WNT8A: variants seen among roughly 807,000 people sequenced by gnomAD.
WNT8A encodes the protein protein Wnt-8a.
In WNT8A, 14 loss-of-function variants were observed where a neutral mutation model predicts 20.5. The ratio of observed to expected loss-of-function variants is 0.68; its 90% CI spans 0.45 to 1.07. The LOEUF (loss-of-function observed/expected upper bound fraction) is 1.07, where lower values mean the gene tolerates loss of function less well. WNT8A is among the 50% of genes least tolerant of loss of function. WNT8A has a pLI of 0.00. For synonymous variants in WNT8A, 167 were observed against 169.2 expected (o/e 0.99, Z 0.10); for missense variants, 397 against 462.9 (o/e 0.86, Z 1.31).
At chr5:138,091,597 C>A, downstream of WNT8A, 1 of 892,354 alleles carries the variant, frequency 1.1e-6, no homozygotes, top group Middle Eastern at 3.1e-4. Context: ...TTTTTTATCC[C>A]CCAAGTATGC....
chr5:138,084,202 T>C lies in WNT8A; in HGVS notation c.75T>C (p.His25=), dbSNP rs758919977. The C allele has an allele frequency of 3.7e-6, 6 of 1,614,172 alleles. No individual in the cohort carries two copies. Among genetic ancestry groups the C allele is most frequent in the East Asian group, 2.2e-5 (1 of 44,882 alleles). Residue 25 remains histidine (H), a synonymous_variant, in exon 1 of 5, where the codon CAT becomes CAC. Coordinates refer to ENST00000506684, the MANE Select transcript of WNT8A (RefSeq NM_001300939.2). The stretch of plus-strand genomic sequence containing the variant: ...TCACTCCTTGCCAAGGAGGCCCCCA[T>C]TGTCTCATCCCCATTCACCTCTGCC... ...PTLTPCQGGP[H]CLIPIHLCLT...
chr5:138,089,956 C>A (rs529753866), intron 4 of WNT8A, among the ~76,000 whole-genome samples: 10 of 152,302 alleles, frequency 6.6e-5, no homozygotes, highest in Admixed American at 5.2e-4. Flanking sequence ...GCCACCACAT[C>A]CAGCCAGGAA....
Position 138,087,892 on chromosome 5 carries a change from G to A in WNT8A, c.382G>A (p.Glu128Lys), listed in dbSNP as rs771339222. ...CAAGAACTGTAGCATGGGTGACTTCGAAAACTGTGGCTGTGATGGGTCAAA... is the reference window on the plus strand; with the variant it reads ...CAAGAACTGTAGCATGGGTGACTTCAAAAACTGTGGCTGTGATGGGTCAAA... ...ITKNCSMGDF[E>K]NCGCDGSNNG... Residue 128 changes from glutamate (E) to lysine (K), a missense_variant, in exon 3 of 5, where the codon GAA becomes AAA. Transcript: ENST00000506684. 20 of 1,613,852 alleles carry A rather than the reference G, an allele frequency of 1.2e-5. No homozygotes were observed. Among genetic ancestry groups the A allele is most frequent in the Admixed American group, 6.7e-5 (4 of 59,974 alleles).
At chr5:138,084,776 C>CT (rs1750607308) in intron 2 of WNT8A, 140 bp downstream of exon 2, 1 of 1,198,444 alleles carries the variant, frequency 8.3e-7, no homozygotes, top group African/African-American at 1.5e-5. Flanking sequence ...CATTTCCTTG[C>CT]TGTGTGGCCT....
upstream of WNT8A, among the ~76,000 whole-genome samples, chr5:138,081,565 T>C (rs577524433): frequency 6.6e-6 from 1 of 152,040 alleles, no homozygotes; most frequent in Non-Finnish European, 1.5e-5. Flanking sequence ...AGATTCTTGA[T>C]TGGGAAAAGT....
Position 138,090,871 on chromosome 5 carries a change from G to A in WNT8A, c.908G>A (p.Trp303Ter). 2 of 1,614,202 alleles carry A rather than the reference G, an allele frequency of 1.2e-6. No homozygotes were observed. The highest frequency in any genetic ancestry group is 8.5e-7 in the Non-Finnish European group (1 of 1,180,040). ...CAGAACAGCCACAACACATCCAGGT[G>A]GGAGCGACGTAGCTGTGGGCGCCTG... ...CLQNSHNTSR[W>*]ERRSCGRLCT... The change falls in exon 5 of 5, where the codon TGG (tryptophan) becomes TAG (stop). Residue 303 changes from tryptophan to a stop codon, truncating the protein, a stop_gained. Coordinates refer to ENST00000506684, the MANE Select transcript of WNT8A (RefSeq NM_001300939.2). LOFTEE classifies it low-confidence loss of function (END_TRUNC).
upstream of WNT8A, among the ~76,000 whole-genome samples, chr5:138,080,445 T>TTTTTTTTG (rs1750475572): frequency 6.2e-5 from 1 of 16,020 alleles, no homozygotes; most frequent in Non-Finnish European, 1.2e-4. Context: ...GTAAATCTTG[T>TTTTTTTTG]TTTTTTTTTT....
downstream of WNT8A, chr5:138,091,653 C>T (rs1054542579): frequency 7.6e-6 from 4 of 528,942 alleles, no homozygotes; most frequent in African/African-American, 6.0e-5. Flanking sequence ...TAGAAAGACA[C>T]CATCTCTACA....
At chr5:138,080,862 T>G (rs12188416), upstream of WNT8A, among the ~76,000 whole-genome samples, 66,512 of 151,878 alleles carry the variant, frequency 0.44, 15,168 homozygotes, top group East Asian at 0.6. Flanking sequence ...GTGGTAAATA[T>G]CTTGCCCAAG....
chr5:138,086,281 G>A (rs954973513), intron 2 of WNT8A, among the ~76,000 whole-genome samples: 1 of 151,992 alleles, frequency 6.6e-6, no homozygotes, highest in Non-Finnish European at 1.5e-5. Context: ...GCAGTGGCGC[G>A]ATCTTGGCTC....
At chr5:138,082,881 A>T (rs1226140563), upstream of WNT8A, among the ~76,000 whole-genome samples, 1 of 121,800 alleles carries the variant, frequency 8.2e-6, no homozygotes, top group African/African-American at 3.2e-5. Flanking sequence ...ATCTCAAAAT[A>T]AATAAATAAA....
chr5:138,084,547 T>C lies in WNT8A; in HGVS notation c.206T>C (p.Ile69Thr). The change falls in exon 2 of 5, where the codon ATC (isoleucine) becomes ACC (threonine). Residue 69 changes from isoleucine to threonine, a missense_variant. By Grantham distance (89) the Ile-to-Thr change is moderately conservative (BLOSUM62 -1). Coordinates refer to ENST00000506684, the MANE Select transcript of WNT8A (RefSeq NM_001300939.2). ...GTGGCCTTGGGTGCCCAGAGTGGCA[T>C]CGAGGAGTGCAAGTTCCAGTTTGCT... ...TSVALGAQSGIEECKFQFAWE... is the reference protein window; with the variant it reads ...TSVALGAQSGTEECKFQFAWE... 1.2e-6 allele frequency: 2 copies of C among 1,613,796 alleles called. No individual in the cohort carries two copies. The highest frequency in any genetic ancestry group is 1.7e-6 in the Non-Finnish European group (2 of 1,179,852).
chr5:138,090,574 CTG>C lies in WNT8A; in HGVS notation c.612_613del (p.Gly205GlufsTer13). The C allele has an allele frequency of 1.5e-5, 25 of 1,614,156 alleles. No individual in the cohort carries two copies. The highest frequency in any genetic ancestry group is 2.1e-5 in the Non-Finnish European group (25 of 1,180,026). On this transcript the variant is annotated frameshift_variant, in exon 5 of 5. Coordinates refer to ENST00000506684, the MANE Select transcript of WNT8A (RefSeq NM_001300939.2). LOFTEE classifies it low-confidence loss of function (END_TRUNC). ...AGGACATGCAAATGTCATGGCATCT[CTG>C]GGAGCTGCAGCATACAGACATGCTG...
intron 2 of WNT8A, 102 bp downstream of exon 2, chr5:138,084,738 A>C: frequency 7.3e-7 from 1 of 1,374,716 alleles, no homozygotes. Flanking sequence ...AGTGAAATAA[A>C]AATGCTGCCA....
chr5:138,079,309 ATTATTAATTAT>A (rs1750444590), upstream of WNT8A, among the ~76,000 whole-genome samples: 1 of 147,188 alleles, frequency 6.8e-6, no homozygotes. Context: ...TATTATAATT[ATTATTAATTAT>A]ATATTAATTA....
At chr5:138,091,689 G>A (rs997827832), downstream of WNT8A, 2 of 368,254 alleles carry the variant, frequency 5.4e-6, no homozygotes, top group African/African-American at 5.2e-5. Flanking sequence ...AGCTAGGTGT[G>A]GTGGCACTTG....
chr5:138,084,331 G>A, intron 1 of WNT8A, 48 bp downstream of exon 1: 1 of 1,603,710 alleles, frequency 6.2e-7, no homozygotes, highest in Non-Finnish European at 8.5e-7. Context: ...GGCCCTAAGG[G>A]GACTCTTCTG....
Position 138,087,921 on chromosome 5 carries a change from T to C in WNT8A, c.411T>C (p.Asn137=), listed in dbSNP as rs751585251. 18 of 1,613,514 alleles carry C rather than the reference T, an allele frequency of 1.1e-5. No individual in the cohort carries two copies. Among genetic ancestry groups the C allele is most frequent in the Non-Finnish European group, 3.4e-6 (4 of 1,179,748 alleles). The change falls in exon 3 of 5, where the codon AAT becomes AAC. Residue 137 remains asparagine, a synonymous_variant. Transcript: ENST00000506684. ...FENCGCDGSN[N]GKTGGHGWIW... ...ACTGTGGCTGTGATGGGTCAAACAATGGAAAAACAGGTAAGTTGAGCTTTC... is the reference window on the plus strand; with the variant it reads ...ACTGTGGCTGTGATGGGTCAAACAACGGAAAAACAGGTAAGTTGAGCTTTC...
intron 2 of WNT8A, 131 bp from the exon 3 acceptor site, chr5:138,087,670 AAAAAG>A: frequency 2.9e-5 from 25 of 864,066 alleles, no homozygotes; most frequent in South Asian, 4.6e-5. Context: ...AAAAAAAAAA[AAAAAG>A]AAAGAAAAGC....
Sources: gnomAD v4.1 joint callset for allele counts (sites outside exome capture counted in the v4.1 genomes callset) on GRCh38, gnomAD v4.1.1 for gene constraint, MANE v1.5 for transcripts, NCBI Gene and HGNC (gene_info 2026-07-23, HGNC 2026-07-21) for gene names.